The following KCNK3 variants were observed in gnomAD, a reference collection of about 807,000 sequenced individuals.
The protein encoded by KCNK3 is potassium channel subfamily K member 3.
Under a neutral mutation model 27.3 loss-of-function variants are expected in KCNK3, and 9 were observed. The observed-to-expected ratio is 0.33, with a 90% CI of 0.20 to 0.57. The LOEUF is 0.57. Ranked by LOEUF, KCNK3 falls within the 20% of genes least tolerant of loss-of-function variation. The pLI is 0.87. For missense variants in KCNK3, 391 were observed against 577.7 expected (o/e 0.68, Z 3.31); for synonymous variants, 278 against 273.8 (o/e 1.02, Z -0.15).
chr2:26,693,516 T>A lies in KCNK3; in HGVS notation c.283+358T>A, dbSNP rs1361459256. ...CAGGCCCTGAACAGGGCGCTGAGAG[T>A]GAGCGGCGGGAGAGCGCCAGTGCTC... On this transcript the variant is annotated intron_variant, in intron 1 of 1. Coordinates refer to ENST00000302909, the MANE Select transcript of KCNK3 (RefSeq NM_002246.3). The surrounding 1 kb of genome is among the most constrained non-coding windows in gnomAD (Gnocchi z 5.5). Among the ~76,000 whole-genome samples the A allele has an allele frequency of 6.6e-6, 1 of 151,848 alleles. No homozygotes were observed. Among genetic ancestry groups the A allele is most frequent in the Non-Finnish European group, 1.5e-5 (1 of 67,932 alleles).
At chr2:26,705,195 G>A (rs1404795232) in intron 1 of KCNK3, among the ~76,000 whole-genome samples, 2 of 152,246 alleles carry the variant, frequency 1.3e-5, no homozygotes, top group East Asian at 1.9e-4. Context: ...AAACTCCTGG[G>A]TGATCCTCCC....
chr2:26,720,087 A>AC (rs1663300767), intron 1 of KCNK3, among the ~76,000 whole-genome samples: 1 of 152,014 alleles, frequency 6.6e-6, no homozygotes, highest in Non-Finnish European at 1.5e-5. Flanking sequence ...ATGTGGTGCA[A>AC]CCCCGTCTCT....
rs767595011 is a variant in KCNK3 at position 26,732,215 on chromosome 2, A to G, written c.*3647A>G. 3 of 152,162 alleles carry G rather than the reference A, an allele frequency of 2.0e-5. No individual in the cohort carries two copies. Among genetic ancestry groups the G allele is most frequent in the Non-Finnish European group, 4.4e-5 (3 of 68,032 alleles). 9.4% of individuals were successfully genotyped at this position (152,162 alleles called of 1,614,324 possible). A position where few individuals can be genotyped will look rare whatever the true frequency, so the allele number is the denominator to read the frequency against. On this transcript the variant is annotated 3_prime_UTR_variant, in exon 2 of 2. Coordinates refer to ENST00000302909, the MANE Select transcript of KCNK3 (RefSeq NM_002246.3). ...AGAGTACAATCCACAGTAATAGCACACAGCTCTGTACCTATCTAGCTCCAT... is the reference window on the plus strand; with the variant it reads ...AGAGTACAATCCACAGTAATAGCACGCAGCTCTGTACCTATCTAGCTCCAT...
chr2:26,707,984 C>T (rs1410194111), intron 1 of KCNK3, among the ~76,000 whole-genome samples: 1 of 152,228 alleles, frequency 6.6e-6, no homozygotes, highest in Non-Finnish European at 1.5e-5. Flanking sequence ...TTCCCTGTGT[C>T]AGGCCCCATT....
In KCNK3 at chr2:26,693,990, C is replaced by CAGAG. The variant is rs143468627; in HGVS notation, c.283+846_283+849dup. On this transcript the variant is annotated intron_variant, in intron 1 of 1. Transcript: ENST00000302909. This position sits in a 1 kb window ranked among gnomAD's most constrained non-coding sequence, Gnocchi z 5.5. ...ACACACACACACACAGAGAGAGAGACAGAGAGAGAGAGAGAGAACAAACGT... is the reference window on the plus strand; with the variant it reads ...ACACACACACACACAGAGAGAGAGACAGAGAGAGAGAGAGAGAGAGAACAAACGT... 1.2e-4 allele frequency among the ~76,000 whole-genome samples: 18 copies of CAGAG among 149,024 alleles called. No homozygotes were observed. The highest frequency in any genetic ancestry group is 4.3e-4 in the African/African-American group (17 of 39,958).
At position 26,698,602 on chromosome 2, in the gene KCNK3, C is replaced by T. The variant is rs141188079; in HGVS notation, c.283+5444C>T. Among the ~76,000 whole-genome samples, 675 of 152,348 alleles carry T rather than the reference C, an allele frequency of 4.4e-3. 1 individual carries two copies. Among genetic ancestry groups the T allele is most frequent in the Middle Eastern group, 0.014 (4 of 294 alleles). ...TTACTTGCCTTACCAAGGAACTGCT[C>T]TGTCTCCCAAGGGTTACCATGACCA... On this transcript the variant is annotated intron_variant, in intron 1 of 1. Transcript: ENST00000302909.
At chr2:26,710,477 C>T (rs1663091724) in intron 1 of KCNK3, among the ~76,000 whole-genome samples, 1 of 152,196 alleles carries the variant, frequency 6.6e-6, no homozygotes. Context: ...ACCACTCACA[C>T]ACAGGCTTCA....
intron 1 of KCNK3, among the ~76,000 whole-genome samples, chr2:26,706,526 G>T (rs1418343013): frequency 2.0e-5 from 3 of 152,180 alleles, no homozygotes; most frequent in Non-Finnish European, 4.4e-5. Context: ...TTTCCAGCAT[G>T]AGGGTCAGGC....
At chr2:26,727,425 A>G (rs966660519) in intron 1 of KCNK3, among the ~76,000 whole-genome samples, 4 of 152,130 alleles carry the variant, frequency 2.6e-5, no homozygotes, top group Non-Finnish European at 5.9e-5. Flanking sequence ...AAGCCGTGTG[A>G]CCTTGGAAGT....
At chr2:26,695,153 A>G (rs1439336192) in intron 1 of KCNK3, among the ~76,000 whole-genome samples, 1 of 152,174 alleles carries the variant, frequency 6.6e-6, no homozygotes, top group Admixed American at 6.5e-5. Flanking sequence ...GATAGCTGCC[A>G]ACCTGTCCTC....
chr2:26,708,006 G>T (rs1407107189), intron 1 of KCNK3, among the ~76,000 whole-genome samples: 1 of 152,134 alleles, frequency 6.6e-6, no homozygotes, highest in Non-Finnish European at 1.5e-5. Flanking sequence ...TAGGCCCCAG[G>T]GACTCAGCAG....
At chr2:26,709,938 A>G (rs1479556112) in intron 1 of KCNK3, among the ~76,000 whole-genome samples, 4 of 152,078 alleles carry the variant, frequency 2.6e-5, no homozygotes, top group Non-Finnish European at 5.9e-5. Flanking sequence ...CGCCTTCCAC[A>G]TTCCCTCCCA....
chr2:26,725,195 C>T (rs1663394570), intron 1 of KCNK3, among the ~76,000 whole-genome samples: 3 of 152,084 alleles, frequency 2.0e-5, no homozygotes, highest in Admixed American at 1.3e-4. Flanking sequence ...TGGCCCTGCC[C>T]CCAGGCCCAT....
intron 1 of KCNK3, among the ~76,000 whole-genome samples, chr2:26,720,867 C>T (rs980596353): frequency 6.6e-6 from 1 of 152,184 alleles, no homozygotes. Flanking sequence ...AGATCCCATT[C>T]TGTACATTGG....
chr2:26,696,070 C>G (rs955910041), intron 1 of KCNK3, among the ~76,000 whole-genome samples: 4 of 152,224 alleles, frequency 2.6e-5, no homozygotes, highest in African/African-American at 9.6e-5. Context: ...GGGCAGCAGC[C>G]TGTGTTCACC....
In KCNK3 at chr2:26,720,406, G is replaced by A. The variant is rs116325721; in HGVS notation, c.284-7261G>A. On this transcript the variant is annotated intron_variant, in intron 1 of 1. Transcript: ENST00000302909. ...CTGCACAAAGCCGGCCTCTGGGATG[G>A]GCCAGAAGGAGCTGGCCAGGGAGGC... Among the ~76,000 whole-genome samples, 1,075 of 152,326 alleles carry A rather than the reference G, an allele frequency of 7.1e-3. 13 individuals carry two copies. The highest frequency in any genetic ancestry group is 0.024 in the African/African-American group (1,010 of 41,568).
rs1037389757 is a variant in KCNK3, at chr2:26,728,629, G to A, written c.*61G>A. On this transcript the variant is annotated 3_prime_UTR_variant, in exon 2 of 2. Coordinates refer to ENST00000302909, the MANE Select transcript of KCNK3 (RefSeq NM_002246.3). ...GCGGGGGACCCCTGCTGGGAGGCCA[G>A]GAGACTGCCCCTGCTGCCTTCTGCC... is the stretch of plus-strand genomic sequence containing the variant. The A allele has an allele frequency of 3.0e-5, 41 of 1,359,232 alleles. No individual in the cohort carries two copies. The highest frequency in any genetic ancestry group is 3.7e-5 in the Non-Finnish European group (39 of 1,042,880). 84.2% of individuals were successfully genotyped at this position (1,359,232 alleles called of 1,614,324 possible). A position where few individuals can be genotyped will look rare whatever the true frequency, so the allele number is the denominator to read the frequency against.
At position 26,729,690 on chromosome 2, in the gene KCNK3, C is replaced by T. The variant is rs187776071; in HGVS notation, c.*1122C>T. The T allele has an allele frequency of 6.6e-6, 1 of 151,972 alleles. No homozygotes were observed. The highest frequency in any genetic ancestry group is 1.9e-4 in the East Asian group (1 of 5,182). 9.4% of individuals were successfully genotyped at this position (151,972 alleles called of 1,614,324 possible). A position where few individuals can be genotyped will look rare whatever the true frequency, so the allele number is the denominator to read the frequency against. The stretch of plus-strand genomic sequence containing the variant: ...ATCTCTACAAAAAATAAAAAATTAA[C>T]CAGGTGTGGTGGCACGTGCCTGGGA... On this transcript the variant is annotated 3_prime_UTR_variant, in exon 2 of 2. Coordinates refer to ENST00000302909, the MANE Select transcript of KCNK3 (RefSeq NM_002246.3).
Position 26,692,915 on chromosome 2 carries a change from T to G in KCNK3, c.40T>G (p.Cys14Gly), listed in dbSNP as rs779891608. 9.9e-6 allele frequency: 15 copies of G among 1,521,744 alleles called. No individual in the cohort carries two copies. In the African/African-American group the frequency reaches 2.1e-4, roughly 22 times the overall value. The allele number at this position is 1,521,744 out of a possible 1,614,324, so 94.3% of individuals were successfully genotyped here. The change falls in exon 1 of 2, where the codon TGC (cysteine) becomes GGC (glycine). Residue 14 changes from cysteine (C) to glycine (G), a missense_variant. Cys to Gly is a radical substitution (Grantham distance 159). Transcript: ENST00000302909. The surrounding 1 kb of genome is among the most constrained non-coding windows in gnomAD (Gnocchi z 5.6). The stretch of plus-strand genomic sequence containing the variant: ...CGTGCGCACGCTGGCGCTCATCGTG[T>G]GCACCTTCACCTACCTGCTGGTGGG... ...QNVRTLALIVCTFTYLLVGAA... is the reference protein window; with the variant it reads ...QNVRTLALIVGTFTYLLVGAA...
Sources: allele counts gnomAD v4.1 joint callset (sites outside exome capture counted in the v4.1 genomes callset), GRCh38; gene constraint gnomAD v4.1.1; non-coding constraint Gnocchi (gnomAD v3.1); transcripts MANE v1.5; gene names NCBI Gene and HGNC (gene_info 2026-07-23, HGNC 2026-07-21).